The following CFAP299 variants were observed in gnomAD, a reference collection of about 807,000 sequenced individuals.
CFAP299 encodes the protein cilia and flagella associated protein 299, also known as cilia- and flagella-associated protein 299.
Under a neutral mutation model 27.0 loss-of-function variants are expected in CFAP299, and 21 were observed. The ratio of observed to expected loss-of-function variants is 0.78; its 90% CI spans 0.55 to 1.12. The LOEUF (loss-of-function observed/expected upper bound fraction) is 1.12. Among genes scored for constraint, CFAP299 ranks in the 50% most tolerant of loss-of-function variants. CFAP299 has a pLI of 0.00. For synonymous variants in CFAP299, 104 were observed against 98.1 expected (o/e 1.06, Z -0.36); for missense variants, 310 against 276.6 (o/e 1.12, Z -0.86).
At chr4:80,423,521 T>G (rs1301095447) in intron 2 of CFAP299, among the ~76,000 whole-genome samples, 2 of 152,174 alleles carry the variant, frequency 1.3e-5, no homozygotes, top group Non-Finnish European at 2.9e-5. Flanking sequence ...TGGGCCAAGG[T>G]CTCAACTGTG....
intron 2 of CFAP299, among the ~76,000 whole-genome samples, chr4:80,580,108 G>T (rs1356491567): frequency 6.6e-6 from 1 of 152,062 alleles, no homozygotes; most frequent in Non-Finnish European, 1.5e-5. Flanking sequence ...ATCAAAAAGG[G>T]AATTGGAAGA....
intron 2 of CFAP299, among the ~76,000 whole-genome samples, chr4:80,496,884 T>TG (rs1214835360): frequency 2.0e-5 from 3 of 152,088 alleles, no homozygotes; most frequent in Non-Finnish European, 4.4e-5. Flanking sequence ...GCATATCACA[T>TG]GGTGAATGTA....
chr4:80,961,714 A>C (rs1738351676), intron 5 of CFAP299, among the ~76,000 whole-genome samples: 1 of 151,926 alleles, frequency 6.6e-6, no homozygotes, highest in African/African-American at 2.4e-5. Context: ...AAAAGTAAAC[A>C]CAGAAAAATC....
chr4:80,357,006 T>C (rs1249396988), intron 1 of CFAP299, among the ~76,000 whole-genome samples: 1 of 152,178 alleles, frequency 6.6e-6, no homozygotes, highest in African/African-American at 2.4e-5. Context: ...TCAAGGTATG[T>C]TCCTTCAATA....
chr4:80,897,821 C>G (rs1015173282), intron 4 of CFAP299, among the ~76,000 whole-genome samples: 1 of 152,204 alleles, frequency 6.6e-6, no homozygotes, highest in African/African-American at 2.4e-5. Context: ...TTGATTTCCC[C>G]TGTGAGAGCT....
At chr4:80,390,720 C>CACATATGTATATATGTATATATGTATAT (rs1725352239) in intron 2 of CFAP299, among the ~76,000 whole-genome samples, 5 of 138,164 alleles carry the variant, frequency 3.6e-5, no homozygotes, top group African/African-American at 1.4e-4. Context: ...TGTATACACA[C>CACATATGTATATATGTATATATGTATAT]ATACATGTAT....
chr4:80,607,284 G>C (rs1356560668), intron 3 of CFAP299, among the ~76,000 whole-genome samples: 1 of 151,810 alleles, frequency 6.6e-6, no homozygotes, highest in African/African-American at 2.4e-5. Flanking sequence ...AATTTTTCTC[G>C]GTATCTATCT....
chr4:80,608,986 T>C (rs1365558163), intron 3 of CFAP299, among the ~76,000 whole-genome samples: 1 of 151,842 alleles, frequency 6.6e-6, no homozygotes, highest in Non-Finnish European at 1.5e-5. Context: ...TAAAAATAAC[T>C]TGAGATTGCC....
At position 80,895,611 on chromosome 4, in the gene CFAP299, A is replaced by T. The variant is rs563679396; in HGVS notation, c.476+25476A>T. Reference sequence around the variant, plus strand: ...TAGATAATGTTTGATGTTTTTCTATATTCAAATTCCTCTGACTACTCCCTC... The same window carrying T: ...TAGATAATGTTTGATGTTTTTCTATTTTCAAATTCCTCTGACTACTCCCTC... On this transcript the variant is annotated intron_variant, in intron 4 of 5. Transcript: ENST00000358105. Among the ~76,000 whole-genome samples, 13 of 152,148 alleles carry T rather than the reference A, an allele frequency of 8.5e-5. 1 individual carries two copies. The highest frequency in any genetic ancestry group is 3.1e-4 in the African/African-American group (13 of 41,564).
At chr4:80,472,808 G>A (rs1730072018) in intron 2 of CFAP299, among the ~76,000 whole-genome samples, 1 of 152,160 alleles carries the variant, frequency 6.6e-6, no homozygotes, top group Non-Finnish European at 1.5e-5. Flanking sequence ...TGTTCCACGG[G>A]ACGGGGGTAA....
At chr4:80,811,569 T>A (rs1428402910) in intron 3 of CFAP299, among the ~76,000 whole-genome samples, 2 of 152,142 alleles carry the variant, frequency 1.3e-5, no homozygotes, top group Non-Finnish European at 2.9e-5. Context: ...GTTTTGCAGC[T>A]ACAGACTGTC....
chr4:80,374,143 C>T (rs1323120086), intron 2 of CFAP299, among the ~76,000 whole-genome samples: 6 of 152,128 alleles, frequency 3.9e-5, no homozygotes, highest in African/African-American at 1.4e-4. Flanking sequence ...TACCAGAATG[C>T]AATGCCCTGT....
At chr4:80,694,310 G>A (rs553991067) in intron 3 of CFAP299, among the ~76,000 whole-genome samples, 4 of 152,234 alleles carry the variant, frequency 2.6e-5, no homozygotes, top group East Asian at 3.9e-4. Context: ...CTAAAGAAAA[G>A]CAAAAGCTCA....
intron 1 of CFAP299, among the ~76,000 whole-genome samples, chr4:80,357,419 C>T (rs1723330222): frequency 1.3e-5 from 2 of 152,138 alleles, no homozygotes; most frequent in Admixed American, 1.3e-4. Context: ...ATGGTACCAG[C>T]TCTTCTTTGT....
chr4:80,341,423 G>A (rs1030036218), intron 1 of CFAP299, among the ~76,000 whole-genome samples: 13 of 152,146 alleles, frequency 8.5e-5, no homozygotes, highest in African/African-American at 3.1e-4. Flanking sequence ...CCTCCTACAG[G>A]AGGGTCTGGG....
At chr4:80,578,240 A>G (rs1367362993) in intron 2 of CFAP299, among the ~76,000 whole-genome samples, 1 of 152,230 alleles carries the variant, frequency 6.6e-6, no homozygotes, top group African/African-American at 2.4e-5. Context: ...AAGGTTTCTT[A>G]GGTCACTGAC....
At chr4:80,438,533 T>C (rs1398040344) in intron 2 of CFAP299, among the ~76,000 whole-genome samples, 2 of 152,248 alleles carry the variant, frequency 1.3e-5, no homozygotes, top group East Asian at 3.8e-4. Context: ...TAACTTTTTC[T>C]TTCTCCACTA....
intron 2 of CFAP299, among the ~76,000 whole-genome samples, chr4:80,370,133 A>T (rs1268206933): frequency 6.6e-6 from 1 of 152,108 alleles, no homozygotes; most frequent in East Asian, 1.9e-4. Flanking sequence ...GGCACTTTAC[A>T]TGGCCAGAGC....
At chr4:80,949,678 T>C (rs1737671100) in intron 5 of CFAP299, among the ~76,000 whole-genome samples, 1 of 151,696 alleles carries the variant, frequency 6.6e-6, no homozygotes. Flanking sequence ...CAAGATAAGA[T>C]TCACAAGTAT....
Sources: gnomAD v4.1 joint callset for allele counts (sites outside exome capture counted in the v4.1 genomes callset) on GRCh38, gnomAD v4.1.1 for gene constraint, MANE v1.5 for transcripts, NCBI Gene and HGNC (gene_info 2026-07-23, HGNC 2026-07-21) for gene names.